TTC28: variants seen among roughly 807,000 people sequenced by gnomAD.
TTC28 encodes tetratricopeptide repeat domain 28.
Under a neutral mutation model 198.0 loss-of-function variants are expected in TTC28, and 61 were observed. The observed-to-expected ratio is 0.31, with a 90% CI of 0.25 to 0.38. The LOEUF (loss-of-function observed/expected upper bound fraction) is 0.38, where lower values mean the gene tolerates loss of function less well. Among genes scored for constraint, TTC28 ranks in the 10% least tolerant of loss-of-function variants. The pLI, the probability that TTC28 is intolerant of heterozygous loss-of-function variation, is 1.00. For missense variants in TTC28, 2,678 were observed against 3,164.0 expected, an observed-to-expected ratio of 0.85 and a Z score of 3.69; for synonymous variants, 1,171 against 1,297.8, an observed-to-expected ratio of 0.90 and a Z score of 2.10.
chr22:28,421,511 T>G (rs536089640), intron 2 of TTC28, among the ~76,000 whole-genome samples: 2 of 152,194 alleles, frequency 1.3e-5, no homozygotes, highest in African/African-American at 2.4e-5. Context: ...AATGTTGTCT[T>G]TCCATATATG....
chr22:28,528,340 T>C (rs1162647077), intron 2 of TTC28, among the ~76,000 whole-genome samples: 1 of 152,278 alleles, frequency 6.6e-6, no homozygotes, highest in East Asian at 1.9e-4. Context: ...AAAGTTCTTA[T>C]CTTTTACTTG....
intron 2 of TTC28, among the ~76,000 whole-genome samples, chr22:28,571,998 T>C (rs1173757080): frequency 2.0e-5 from 3 of 150,080 alleles, no homozygotes; most frequent in Admixed American, 1.3e-4. Flanking sequence ...TAATGTATAC[T>C]CTGCCACCCA....
intron 2 of TTC28, among the ~76,000 whole-genome samples, chr22:28,445,709 G>A (rs1274649078): frequency 6.6e-6 from 1 of 152,064 alleles, no homozygotes; most frequent in African/African-American, 2.4e-5. Flanking sequence ...GCCTCCCTAA[G>A]TCCCTTCAGG....
intron 6 of TTC28, among the ~76,000 whole-genome samples, chr22:28,134,131 G>C (rs1943136158): frequency 6.6e-6 from 1 of 152,190 alleles, no homozygotes; most frequent in South Asian, 2.1e-4. Flanking sequence ...AACTCCAACA[G>C]ACCTGCAGCT....
At position 27,983,705 on chromosome 22, in the gene TTC28, C is replaced by G. The variant is rs1937102161; in HGVS notation, c.5962G>C (p.Asp1988His). The change falls in exon 23 of 23, where the codon GAT (aspartate) becomes CAT (histidine). Residue 1988 changes from aspartate to histidine, a missense_variant. Around this residue, in one of 8 missense-constraint regions of TTC28, gnomAD observed 622 missense variants for 656.0 expected, o/e 0.95. Coordinates refer to ENST00000397906, the MANE Select transcript of TTC28 (RefSeq NM_001145418.2). ...SPTGADSIAS[D>H]AISVYSLSSI... is the part of the protein sequence containing the mutation. ...CTCAGACTGTACACAGAGATGGCAT[C>G]TGAGGCGATGCTGTCCGCACCGGTG... 6.4e-7 allele frequency: 1 copy of G among 1,550,840 alleles called. No homozygotes were observed. Among genetic ancestry groups the G allele is most frequent in the Non-Finnish European group, 8.7e-7 (1 of 1,146,644 alleles).
chr22:28,090,218 T>C (rs1941771594), intron 12 of TTC28, among the ~76,000 whole-genome samples: 2 of 152,068 alleles, frequency 1.3e-5, no homozygotes, highest in African/African-American at 4.8e-5. Flanking sequence ...TCACCATTCA[T>C]TTATAATCAC....
chr22:28,677,175 A>AAAAAAATAT (rs1555910210), intron 1 of TTC28, among the ~76,000 whole-genome samples: 2 of 69,480 alleles, frequency 2.9e-5, no homozygotes, highest in African/African-American at 1.5e-4. Flanking sequence ...AAAAAAAAAA[A>AAAAAAATAT]ATATATATAT....
intron 5 of TTC28, among the ~76,000 whole-genome samples, chr22:28,170,495 A>G (rs1922560206): frequency 6.6e-6 from 1 of 151,890 alleles, no homozygotes; most frequent in African/African-American, 2.4e-5. Context: ...TCTCCAAAAA[A>G]AAAAAAAAGA....
At chr22:28,587,331 C>T (rs1029496809) in intron 2 of TTC28, among the ~76,000 whole-genome samples, 1 of 152,146 alleles carries the variant, frequency 6.6e-6, no homozygotes, top group Non-Finnish European at 1.5e-5. Context: ...AATCGTGCCA[C>T]TGCACTCCAA....
intron 2 of TTC28, among the ~76,000 whole-genome samples, chr22:28,626,038 CAAAAT>C (rs1312089639): frequency 2.0e-5 from 3 of 151,906 alleles, no homozygotes; most frequent in East Asian, 3.9e-4. Flanking sequence ...AAAATTAACT[CAAAAT>C]AAATCATAGG....
At chr22:28,339,390 C>G (rs1271291858) in intron 2 of TTC28, among the ~76,000 whole-genome samples, 1 of 152,162 alleles carries the variant, frequency 6.6e-6, no homozygotes, top group Non-Finnish European at 1.5e-5. Context: ...CAGCTGCATG[C>G]TGGGAGAACC....
chr22:28,385,931 G>A (rs2046575523), intron 2 of TTC28, among the ~76,000 whole-genome samples: 1 of 152,044 alleles, frequency 6.6e-6, no homozygotes, highest in Admixed American at 6.6e-5. Context: ...CAGTAAGTCT[G>A]CCAAAATCTT....
chr22:28,184,156 T>C (rs138809330), intron 5 of TTC28, among the ~76,000 whole-genome samples: 3 of 152,296 alleles, frequency 2.0e-5, no homozygotes, highest in Admixed American at 6.5e-5. Flanking sequence ...ATGGGCTTAT[T>C]ATGACCACAC....
chr22:28,437,009 T>C (rs968706083), intron 2 of TTC28, among the ~76,000 whole-genome samples: 2 of 152,262 alleles, frequency 1.3e-5, no homozygotes, highest in African/African-American at 4.8e-5. Flanking sequence ...AAGAATCCCT[T>C]TGACCTTTCA....
At chr22:28,242,927 C>A (rs1929764910) in intron 5 of TTC28, among the ~76,000 whole-genome samples, 1 of 151,064 alleles carries the variant, frequency 6.6e-6, no homozygotes, top group South Asian at 2.1e-4. Context: ...TGCTGATGTG[C>A]AAACTATTAC....
chr22:28,214,623 C>A (rs1247011828), intron 5 of TTC28, among the ~76,000 whole-genome samples: 1 of 152,148 alleles, frequency 6.6e-6, no homozygotes, highest in Non-Finnish European at 1.5e-5. Flanking sequence ...ATTAAAAAGC[C>A]AGGAAACAAC....
chr22:28,065,415 A>T (rs981763756), intron 12 of TTC28, among the ~76,000 whole-genome samples: 5 of 152,216 alleles, frequency 3.3e-5, no homozygotes, highest in Non-Finnish European at 7.3e-5. Flanking sequence ...AAGTGAGCTG[A>T]CATTCTTTCC....
At chr22:28,617,845 G>A (rs2050926458) in intron 2 of TTC28, among the ~76,000 whole-genome samples, 1 of 152,168 alleles carries the variant, frequency 6.6e-6, no homozygotes, top group Admixed American at 6.5e-5. Context: ...CCAACTGCCA[G>A]AAATATGAGA....
chr22:28,095,335 C>G (rs1169590396), intron 11 of TTC28, among the ~76,000 whole-genome samples: 1 of 150,374 alleles, frequency 6.7e-6, no homozygotes, highest in Non-Finnish European at 1.5e-5. Flanking sequence ...ATGCTCAGAG[C>G]CTAAAAGCAT....
Sources: allele counts gnomAD v4.1 joint callset (sites outside exome capture counted in the v4.1 genomes callset), GRCh38; gene constraint gnomAD v4.1.1; regional missense constraint gnomAD v4.1.1; transcripts MANE v1.5; gene names NCBI Gene and HGNC (gene_info 2026-07-23, HGNC 2026-07-21).